The following MCHR2 variants were observed in gnomAD, a reference collection of about 807,000 sequenced individuals.
The protein encoded by MCHR2 is melanin-concentrating hormone receptor 2.
MCHR2 carries 15 observed loss-of-function variants against 24.8 expected under a neutral mutation model. That is an observed-to-expected ratio of 0.60 (90% CI 0.40 to 0.93). MCHR2 has a LOEUF of 0.93. Ranked by LOEUF, MCHR2 falls within the 40% of genes least tolerant of loss-of-function variation. The pLI, the probability that MCHR2 is intolerant of heterozygous loss-of-function variation, is 0.00. For synonymous variants in MCHR2, 151 were observed against 147.6 expected (o/e 1.02, Z -0.17); for missense variants, 386 against 408.7 (o/e 0.94, Z 0.48).
At position 99,948,355 on chromosome 6, in the gene MCHR2, TC is replaced by T. The variant is rs148051287; in HGVS notation, c.183-385del. 6.8e-3 allele frequency among the ~76,000 whole-genome samples: 1,032 copies of T among 152,176 alleles called. 10 individuals are homozygous for T. The highest frequency in any genetic ancestry group is 0.023 in the African/African-American group (976 of 41,534). On this transcript the variant is annotated intron_variant, in intron 2 of 5. Transcript: ENST00000281806. ...CTCTTTGCTCTCTGTTGGATTGCTT[TC>T]CCTGGTGGTAGCCGGCTACCATCTT... is the stretch of plus-strand genomic sequence containing the variant.
chr6:99,963,542 T>C (rs1401513504), intron 1 of MCHR2, among the ~76,000 whole-genome samples: 1 of 152,084 alleles, frequency 6.6e-6, no homozygotes, highest in African/African-American at 2.4e-5. Context: ...GAATATAAAG[T>C]TTCAGTCATG....
In MCHR2 at chr6:99,986,577, T is replaced by A. The variant is rs112715142; in HGVS notation, c.-28+7359A>T. 2.5e-4 allele frequency among the ~76,000 whole-genome samples: 38 copies of A among 152,072 alleles called. 1 individual carries two copies. Among genetic ancestry groups the A allele is most frequent in the African/African-American group, 9.2e-4 (38 of 41,488 alleles). ...AATTGAAATGACTTGAAACAGAAAG[T>A]CAAAAACCACATATTCTCACTTATA... On this transcript the variant is annotated intron_variant, in intron 1 of 5. Coordinates refer to ENST00000281806, the MANE Select transcript of MCHR2 (RefSeq NM_001040179.2).
chr6:99,983,881 A>T (rs1562136358), intron 1 of MCHR2, among the ~76,000 whole-genome samples: 1 of 152,164 alleles, frequency 6.6e-6, no homozygotes, highest in South Asian at 2.1e-4. Context: ...TTATTTTTCT[A>T]TATTAGAGAT....
intron 1 of MCHR2, among the ~76,000 whole-genome samples, chr6:99,965,193 C>T (rs1477846054): frequency 6.6e-6 from 1 of 152,094 alleles, no homozygotes; most frequent in African/African-American, 2.4e-5. Flanking sequence ...AACATCTGAC[C>T]ATATGGTTTC....
In MCHR2 at chr6:99,994,182, A is replaced by C. The variant is rs201360449; in HGVS notation, c.-274T>G. The C allele has an allele frequency of 6.6e-6, 1 of 152,230 alleles. No homozygotes were observed. The highest frequency in any genetic ancestry group is 1.5e-5 in the Non-Finnish European group (1 of 68,052). The allele number at this position is 152,230 out of a possible 1,614,324, so 9.4% of individuals were successfully genotyped here. ...CCGAACCAGCGGGGTTACCTTTGCC[A>C]CTTCATCCAATCCGAGCATCGGGTG... On this transcript the variant is annotated 5_prime_UTR_variant, in exon 1 of 6. Transcript: ENST00000281806.
At chr6:99,961,096 A>G (rs766164018) in intron 1 of MCHR2, among the ~76,000 whole-genome samples, 8 of 152,210 alleles carry the variant, frequency 5.3e-5, no homozygotes, top group Admixed American at 4.6e-4. Flanking sequence ...CAAAAGGCTA[A>G]TATCCAGAAT....
Position 99,918,962 on chromosome 6 carries a change from G to A in MCHR2, c.*1978C>T, listed in dbSNP as rs904340031. Among the ~76,000 whole-genome samples, 2 of 152,038 alleles carry A rather than the reference G, an allele frequency of 1.3e-5. No homozygotes were observed. Among genetic ancestry groups the A allele is most frequent in the African/African-American group, 4.8e-5 (2 of 41,408 alleles). Reference sequence around the variant, plus strand: ...GTCTTTAAAATCATAATATTTTTCTGTATTAAAAAAACAATGAAAGTAAGC... The same window carrying A: ...GTCTTTAAAATCATAATATTTTTCTATATTAAAAAAACAATGAAAGTAAGC... On this transcript the variant is annotated 3_prime_UTR_variant, in exon 6 of 6. Transcript: ENST00000281806.
intron 1 of MCHR2, among the ~76,000 whole-genome samples, chr6:99,988,040 C>T (rs1160844808): frequency 6.6e-6 from 1 of 152,184 alleles, no homozygotes; most frequent in Non-Finnish European, 1.5e-5. Flanking sequence ...ATATTTAACT[C>T]ATTTGATGTC....
rs1469338413 is a variant in MCHR2 at position 99,919,190 on chromosome 6, T to C, written c.*1750A>G. On this transcript the variant is annotated 3_prime_UTR_variant, in exon 6 of 6. Coordinates refer to ENST00000281806, the MANE Select transcript of MCHR2 (RefSeq NM_001040179.2). Reference sequence around the variant, plus strand: ...CATATGTAGGTCTCTAGACCTCAGCTATGGAAATAAAATGTTTCAGATGCT... The same window carrying C: ...CATATGTAGGTCTCTAGACCTCAGCCATGGAAATAAAATGTTTCAGATGCT... Among the ~76,000 whole-genome samples, 1 of 150,312 alleles carries C rather than the reference T, an allele frequency of 6.7e-6. No individual in the cohort carries two copies. The highest frequency in any genetic ancestry group is 1.9e-4 in the East Asian group (1 of 5,196).
At chr6:99,925,461 C>A (rs571232799) in intron 5 of MCHR2, among the ~76,000 whole-genome samples, 1 of 151,906 alleles carries the variant, frequency 6.6e-6, no homozygotes, top group Non-Finnish European at 1.5e-5. Flanking sequence ...GGTTGTTTTG[C>A]GTTCTCTTCC....
intron 1 of MCHR2, 33 bp downstream of exon 1, chr6:99,993,903 C>T (rs1434140459): frequency 2.6e-5 from 4 of 151,936 alleles, no homozygotes; most frequent in African/African-American, 9.7e-5. Context: ...ACGCCAGAGC[C>T]CGGCCCTCGC....
Position 99,959,066 on chromosome 6 carries a change from G to A in MCHR2, c.-27-2892C>T, listed in dbSNP as rs558896631. 4.6e-5 allele frequency among the ~76,000 whole-genome samples: 7 copies of A among 152,224 alleles called. No individual in the cohort carries two copies. In the South Asian group the frequency reaches 1.4e-3, roughly 32 times the overall value. ...GAGTGAAGATTGGAGCATATATGCA[G>A]TGTTCTGGCTTTTGGGGGGTTTCCA... On this transcript the variant is annotated intron_variant, in intron 1 of 5. Transcript: ENST00000281806.
chr6:99,963,727 A>T (rs573894203), intron 1 of MCHR2, among the ~76,000 whole-genome samples: 1 of 152,252 alleles, frequency 6.6e-6, no homozygotes, highest in Admixed American at 6.5e-5. Flanking sequence ...AATGATGCAG[A>T]GTTTACTGGT....
chr6:99,977,491 A>G (rs1460158643), intron 1 of MCHR2, among the ~76,000 whole-genome samples: 1 of 152,142 alleles, frequency 6.6e-6, no homozygotes, highest in Non-Finnish European at 1.5e-5. Flanking sequence ...GGGCTGCATC[A>G]TTACTTTCAT....
At chr6:99,982,467 GAAAAAAAAAAAAA>G (rs1196029682) in intron 1 of MCHR2, among the ~76,000 whole-genome samples, 1 of 46,638 alleles carries the variant, frequency 2.1e-5, no homozygotes. Context: ...TGTCTGTACA[GAAAAAAAAAAAAA>G]AAAAAAAAAA....
At chr6:99,978,425 T>TTTG (rs1775599306) in intron 1 of MCHR2, among the ~76,000 whole-genome samples, 1 of 142,972 alleles carries the variant, frequency 7.0e-6, no homozygotes, top group African/African-American at 2.6e-5. Context: ...AGACAGTTTT[T>TTTG]TTTTTTTTTT....
In MCHR2 at chr6:99,934,499, C is replaced by T. The variant is rs267600746; in HGVS notation, c.606G>A (p.Thr202=). 1.4e-5 allele frequency: 23 copies of T among 1,593,654 alleles called. No homozygotes were observed. The highest frequency in any genetic ancestry group is 3.4e-5 in the South Asian group (3 of 87,652). The change falls in exon 5 of 6, where the codon ACG becomes ACA. Residue 202 remains threonine, a synonymous_variant. Transcript: ENST00000281806. ...GTAGAGGGAAAAAAAAAGTTGTTATCGTCAAATAAAGTGTATACCTGTAAA... is the reference window on the plus strand; with the variant it reads ...GTAGAGGGAAAAAAAAAGTTGTTATTGTCAAATAAAGTGTATACCTGTAAA... The part of the protein sequence containing the change: ...DDVLWYTLYL[T]ITTFFFPLPL...
intron 2 of MCHR2, among the ~76,000 whole-genome samples, chr6:99,950,988 A>G (rs1431462055): frequency 6.6e-6 from 1 of 152,058 alleles, no homozygotes; most frequent in Non-Finnish European, 1.5e-5. Context: ...GGAACTGGAG[A>G]GTAAGGAGGA....
chr6:99,974,281 A>G (rs1775500206), intron 1 of MCHR2, among the ~76,000 whole-genome samples: 1 of 151,818 alleles, frequency 6.6e-6, no homozygotes, highest in Non-Finnish European at 1.5e-5. Context: ...TTTTCTCCAA[A>G]CTTCCCTTCT....
Sources: gnomAD v4.1 joint callset for allele counts (sites outside exome capture counted in the v4.1 genomes callset) on GRCh38, gnomAD v4.1.1 for gene constraint, MANE v1.5 for transcripts, NCBI Gene and HGNC (gene_info 2026-07-23, HGNC 2026-07-21) for gene names.